The following CCDC192 variants were observed in gnomAD, a reference collection of about 807,000 sequenced individuals.
CCDC192 encodes the protein coiled-coil domain-containing protein 192.
At chr5:127,736,673 C>A (rs563950673) in intron 2 of CCDC192, among the ~76,000 whole-genome samples, 1 of 151,578 alleles carries the variant, frequency 6.6e-6, no homozygotes, top group African/African-American at 2.4e-5. Flanking sequence ...TGTATGTGTC[C>A]AGGAATTTAT....
intron 5 of CCDC192, among the ~76,000 whole-genome samples, chr5:127,808,879 G>C (rs1289167407): frequency 6.6e-6 from 1 of 152,148 alleles, no homozygotes; most frequent in Non-Finnish European, 1.5e-5. Flanking sequence ...AATGAGAATG[G>C]AGTAAGTGAG....
intron 3 of CCDC192, among the ~76,000 whole-genome samples, chr5:127,774,263 C>G (rs1445953664): frequency 6.6e-6 from 1 of 152,050 alleles, no homozygotes; most frequent in Non-Finnish European, 1.5e-5. Flanking sequence ...CAATTTTGGC[C>G]AAGTCAAATT....
intron 5 of CCDC192, among the ~76,000 whole-genome samples, chr5:127,810,849 C>T (rs977395224): frequency 6.6e-6 from 1 of 152,124 alleles, no homozygotes; most frequent in Non-Finnish European, 1.5e-5. Context: ...AAGGGTGGTC[C>T]TCTCTCCCTC....
intron 2 of CCDC192, among the ~76,000 whole-genome samples, chr5:127,709,048 G>T (rs982539691): frequency 6.6e-6 from 1 of 150,976 alleles, no homozygotes; most frequent in Admixed American, 6.6e-5. Context: ...CCTTAGGAAG[G>T]TTCCAATTAG....
intron 6 of CCDC192, among the ~76,000 whole-genome samples, chr5:127,894,755 T>A (rs759587334): frequency 5.3e-5 from 8 of 152,240 alleles, no homozygotes; most frequent in Non-Finnish European, 1.0e-4. Flanking sequence ...GTAAGAAATC[T>A]GTAAGATTTT....
chr5:127,723,598 G>T (rs1260576985), intron 2 of CCDC192, among the ~76,000 whole-genome samples: 3 of 152,166 alleles, frequency 2.0e-5, no homozygotes, highest in Non-Finnish European at 4.4e-5. Context: ...TTTCAAAACT[G>T]TTTAAAATTT....
In CCDC192 at chr5:127,840,105, T is replaced by G. The variant is rs145043967; in HGVS notation, c.412-35433T>G. Among the ~76,000 whole-genome samples the G allele has an allele frequency of 1.4e-3, 207 of 152,220 alleles. 1 individual carries two copies. Among genetic ancestry groups the G allele is most frequent in the African/African-American group, 4.8e-3 (198 of 41,524 alleles). ...AAGGTTGATGTTTCAATTTGAGAGG[T>G]CTGAGGGTGGCTGTCATGAAAACCT... On this transcript the variant is annotated intron_variant, in intron 5 of 6. Coordinates refer to ENST00000514853, the MANE Select transcript of CCDC192 (RefSeq NM_001317938.2).
intron 2 of CCDC192, among the ~76,000 whole-genome samples, chr5:127,719,576 T>TATAC (rs1561445188): frequency 3.0e-4 from 35 of 117,158 alleles, no homozygotes; most frequent in African/African-American, 1.0e-3. Context: ...TACATATATA[T>TATAC]ATATACCAAG....
intron 2 of CCDC192, among the ~76,000 whole-genome samples, chr5:127,722,008 G>A (rs1752056245): frequency 1.3e-5 from 2 of 152,164 alleles, no homozygotes; most frequent in Non-Finnish European, 1.5e-5. Flanking sequence ...AGATTTGGGT[G>A]GGGATACAAA....
chr5:127,902,527 G>A (rs891551460), intron 6 of CCDC192, among the ~76,000 whole-genome samples: 10 of 152,072 alleles, frequency 6.6e-5, no homozygotes, highest in Middle Eastern at 3.4e-3. Context: ...CATCACCCCC[G>A]GTTTTCACAT....
chr5:127,861,243 G>A (rs891240677), intron 5 of CCDC192, among the ~76,000 whole-genome samples: 10 of 151,630 alleles, frequency 6.6e-5, no homozygotes, highest in Admixed American at 3.9e-4. Context: ...CCTGACCTCA[G>A]GTGATCCGCC....
intron 6 of CCDC192, among the ~76,000 whole-genome samples, chr5:127,910,001 G>A (rs557447778): frequency 6.6e-6 from 1 of 152,272 alleles, no homozygotes; most frequent in East Asian, 1.9e-4. Flanking sequence ...CTCTGTGGAT[G>A]CCAAGAAAAG....
intron 3 of CCDC192, among the ~76,000 whole-genome samples, chr5:127,763,681 T>C (rs958432610): frequency 1.3e-5 from 2 of 152,198 alleles, no homozygotes; most frequent in Non-Finnish European, 2.9e-5. Flanking sequence ...CCACTCCCTG[T>C]ATACCACTAT....
At chr5:127,769,436 T>A (rs1755423472) in intron 3 of CCDC192, among the ~76,000 whole-genome samples, 1 of 152,048 alleles carries the variant, frequency 6.6e-6, no homozygotes, top group African/African-American at 2.4e-5. Flanking sequence ...TGTGTGTGTG[T>A]GTGTCTGAAG....
chr5:127,797,801 A>C (rs1270451261), intron 4 of CCDC192, among the ~76,000 whole-genome samples: 1 of 145,422 alleles, frequency 6.9e-6, no homozygotes, highest in Non-Finnish European at 1.5e-5. Context: ...TTATTTGTAA[A>C]TATATATATA....
At chr5:127,929,111 T>A (rs1159827770) in intron 6 of CCDC192, among the ~76,000 whole-genome samples, 1 of 152,204 alleles carries the variant, frequency 6.6e-6, no homozygotes, top group Non-Finnish European at 1.5e-5. Flanking sequence ...ACTCAGAGAA[T>A]ATGTTCTGAG....
chr5:127,915,047 G>A (rs1236317816), intron 6 of CCDC192, among the ~76,000 whole-genome samples: 1 of 152,090 alleles, frequency 6.6e-6, no homozygotes, highest in African/African-American at 2.4e-5. Context: ...TTTTCAGTTA[G>A]TATAATACAG....
At chr5:127,817,158 G>T (rs1749062634) in intron 5 of CCDC192, among the ~76,000 whole-genome samples, 1 of 152,122 alleles carries the variant, frequency 6.6e-6, no homozygotes, top group African/African-American at 2.4e-5. Flanking sequence ...TGGCTTACAG[G>T]TACAGTGCCT....
chr5:127,892,284 G>C (rs1054518453), intron 6 of CCDC192, among the ~76,000 whole-genome samples: 2 of 152,140 alleles, frequency 1.3e-5, no homozygotes, highest in African/African-American at 4.8e-5. Context: ...GATTTCAAAA[G>C]AAAAGGTAGA....
Sources: allele counts gnomAD v4.1 joint callset (sites outside exome capture counted in the v4.1 genomes callset), GRCh38; gene constraint gnomAD v4.1.1; transcripts MANE v1.5; gene names NCBI Gene and HGNC (gene_info 2026-07-23, HGNC 2026-07-21).